Variants in ENPP6 observed in about 807,000 individuals in gnomAD.
The protein encoded by ENPP6 is glycerophosphocholine cholinephosphodiesterase ENPP6.
Under a neutral mutation model 42.0 loss-of-function variants are expected in ENPP6, and 32 were observed. That is an observed-to-expected ratio of 0.76 (90% CI 0.58 to 1.02). The LOEUF is 1.02. ENPP6 is among the 50% of genes least tolerant of loss of function. The pLI is 0.00. For missense variants in ENPP6, 552 were observed against 566.8 expected, an observed-to-expected ratio of 0.97 and a Z score of 0.27; for synonymous variants, 213 against 216.0, an observed-to-expected ratio of 0.99 and a Z score of 0.12.
chr4:184,217,542 C>G, intron 1 of ENPP6, 37 bp downstream of exon 1: 1 of 1,608,976 alleles, frequency 6.2e-7, no homozygotes, highest in Non-Finnish European at 8.5e-7. Context: ...GGATGCCAGC[C>G]CTCCCCTCCC....
At chr4:184,162,290 G>T (rs761333217) in intron 1 of ENPP6, among the ~76,000 whole-genome samples, 1 of 152,142 alleles carries the variant, frequency 6.6e-6, no homozygotes, top group African/African-American at 2.4e-5. Flanking sequence ...GGAAAAAAGG[G>T]GGGAAGGAAG....
intron 3 of ENPP6, 68 bp from the exon 4 acceptor site, chr4:184,117,968 A>C: frequency 6.4e-7 from 1 of 1,557,138 alleles, no homozygotes; most frequent in Admixed American, 1.9e-5. Flanking sequence ...TATCACCCCC[A>C]TAGCACTCTC....
At chr4:184,149,388 A>T (rs1401398400) in intron 2 of ENPP6, among the ~76,000 whole-genome samples, 6 of 152,220 alleles carry the variant, frequency 3.9e-5, no homozygotes, top group Admixed American at 3.9e-4. Context: ...TATCCAGATG[A>T]TGTCACCTTG....
chr4:184,206,061 G>A (rs1732991294), intron 1 of ENPP6, among the ~76,000 whole-genome samples: 1 of 151,950 alleles, frequency 6.6e-6, no homozygotes. Context: ...CAGGAAGAGG[G>A]CATGCCGAAC....
At chr4:184,188,073 A>G (rs1438530274) in intron 1 of ENPP6, among the ~76,000 whole-genome samples, 1 of 152,242 alleles carries the variant, frequency 6.6e-6, no homozygotes, top group East Asian at 1.9e-4. Flanking sequence ...ATGGAAGCAC[A>G]GGCCTCTTGG....
intron 2 of ENPP6, among the ~76,000 whole-genome samples, chr4:184,150,801 G>A (rs1236456607): frequency 2.6e-5 from 4 of 152,174 alleles, no homozygotes; most frequent in Admixed American, 2.6e-4. Flanking sequence ...TCTTCATTTA[G>A]GTCACTGAGG....
At chr4:184,117,097 C>A (rs538372462) in intron 4 of ENPP6, 62 bp from the exon 5 acceptor site, 19 of 1,572,288 alleles carry the variant, frequency 1.2e-5, no homozygotes, top group South Asian at 1.0e-4. Flanking sequence ...ACTCAGAAAA[C>A]CTTGTCAACT....
At chr4:184,126,178 C>T (rs11723148) in intron 2 of ENPP6, among the ~76,000 whole-genome samples, 159 of 152,206 alleles carry the variant, frequency 1.0e-3, no homozygotes, top group Non-Finnish European at 1.8e-3. Context: ...GTTTTTGGTA[C>T]GAGCAACAAT....
intron 1 of ENPP6, among the ~76,000 whole-genome samples, chr4:184,201,205 C>T (rs950801211): frequency 2.6e-5 from 4 of 152,158 alleles, no homozygotes; most frequent in Admixed American, 1.3e-4. Flanking sequence ...CTCTGAAACT[C>T]GAGCAGGTGT....
intron 1 of ENPP6, among the ~76,000 whole-genome samples, chr4:184,187,700 A>C (rs908044605): frequency 1.3e-5 from 2 of 151,772 alleles, no homozygotes; most frequent in African/African-American, 2.4e-5. Context: ...ATTTATTACC[A>C]CCTGACATTG....
At chr4:184,117,724 A>G in intron 4 of ENPP6, 35 bp downstream of exon 4, 1 of 1,608,036 alleles carries the variant, frequency 6.2e-7, no homozygotes, top group Non-Finnish European at 8.5e-7. Flanking sequence ...GGTGACAGAG[A>G]GAAGGCCAGG....
chr4:184,177,689 C>A (rs1732462857), intron 1 of ENPP6, among the ~76,000 whole-genome samples: 1 of 152,210 alleles, frequency 6.6e-6, no homozygotes, highest in Non-Finnish European at 1.5e-5. Context: ...TGTTCTGCAG[C>A]CTCCACTGGT....
At chr4:184,213,408 C>A (rs1733147903) in intron 1 of ENPP6, among the ~76,000 whole-genome samples, 2 of 152,070 alleles carry the variant, frequency 1.3e-5, no homozygotes, top group Non-Finnish European at 2.9e-5. Flanking sequence ...AAACAAACAA[C>A]CCCATCAAAA....
chr4:184,162,707 A>G (rs1013016427), intron 1 of ENPP6, among the ~76,000 whole-genome samples: 1 of 152,160 alleles, frequency 6.6e-6, no homozygotes. Context: ...TATTCCCCAC[A>G]CTCAGAGTTC....
At chr4:184,144,916 T>C (rs1736893446) in intron 2 of ENPP6, among the ~76,000 whole-genome samples, 1 of 152,224 alleles carries the variant, frequency 6.6e-6, no homozygotes, top group South Asian at 2.1e-4. Flanking sequence ...TGAAATAGTG[T>C]GTGGCCTGAC....
chr4:184,180,158 A>G (rs1402241072), intron 1 of ENPP6, among the ~76,000 whole-genome samples: 1 of 152,172 alleles, frequency 6.6e-6, no homozygotes, highest in Non-Finnish European at 1.5e-5. Context: ...AGAATCAAAT[A>G]GACACAATAC....
At chr4:184,196,435 T>A (rs1732802334) in intron 1 of ENPP6, among the ~76,000 whole-genome samples, 1 of 152,262 alleles carries the variant, frequency 6.6e-6, no homozygotes, top group African/African-American at 2.4e-5. Context: ...ATATTATTCA[T>A]GTATGAATGC....
chr4:184,150,278 T>C (rs1447686216), intron 2 of ENPP6, among the ~76,000 whole-genome samples: 1 of 152,184 alleles, frequency 6.6e-6, no homozygotes, highest in Non-Finnish European at 1.5e-5. Context: ...TGCTGCTTTA[T>C]CTACCTGACA....
chr4:184,094,142 G>A (rs571146147), intron 7 of ENPP6, among the ~76,000 whole-genome samples: 3 of 152,072 alleles, frequency 2.0e-5, no homozygotes, highest in East Asian at 1.9e-4. Flanking sequence ...AGCTAGGTGC[G>A]GTGGTGTGTG....
Sources: allele counts gnomAD v4.1 joint callset (sites outside exome capture counted in the v4.1 genomes callset), GRCh38; gene constraint gnomAD v4.1.1; transcripts MANE v1.5; gene names NCBI Gene and HGNC (gene_info 2026-07-23, HGNC 2026-07-21).